PKHD1: variants seen among roughly 807,000 people sequenced by gnomAD.
PKHD1 encodes the protein PKHD1 ciliary IPT domain containing fibrocystin/polyductin.
A neutral mutation model predicts 412.0 loss-of-function variants in PKHD1; 291 were observed. That is an observed-to-expected ratio of 0.71 (90% CI 0.64 to 0.78). The LOEUF (loss-of-function observed/expected upper bound fraction) is 0.78. PKHD1 is among the 30% of genes least tolerant of loss of function. The pLI is 0.00. For synonymous variants in PKHD1, 1,777 were observed against 1,821.5 expected (o/e 0.98, Z 0.62); for missense variants, 4,825 against 4,950.7 (o/e 0.97, Z 0.76).
intron 5 of PKHD1, among the ~76,000 whole-genome samples, chr6:52,077,514 C>T (rs759114225): frequency 3.3e-5 from 5 of 152,312 alleles, no homozygotes; most frequent in Middle Eastern, 3.4e-3. Context: ...TTTGTTTGGT[C>T]TGCTTCCAGC....
chr6:51,631,192 G>A (rs567142098), intron 65 of PKHD1, among the ~76,000 whole-genome samples: 20 of 152,194 alleles, frequency 1.3e-4, no homozygotes, highest in African/African-American at 4.8e-4. Flanking sequence ...GATTACATGA[G>A]ATAAAAATTT....
intron 36 of PKHD1, among the ~76,000 whole-genome samples, chr6:51,956,545 AT>A (rs1791175202): frequency 6.6e-6 from 1 of 152,114 alleles, no homozygotes; most frequent in African/African-American, 2.4e-5. Flanking sequence ...AATTGATGAA[AT>A]CCTTTGTCTT....
At chr6:51,672,884 T>C (rs2150513349) in intron 60 of PKHD1, among the ~76,000 whole-genome samples, 1 of 152,340 alleles carries the variant, frequency 6.6e-6, no homozygotes, top group African/African-American at 2.4e-5. Context: ...AAGTTCATGA[T>C]TTTGAAGTTC....
chr6:51,976,765 T>C (rs1794495085), intron 35 of PKHD1, among the ~76,000 whole-genome samples: 1 of 152,106 alleles, frequency 6.6e-6, no homozygotes, highest in Non-Finnish European at 1.5e-5. Context: ...CTGGACAACA[T>C]GGTGAAACCC....
At chr6:51,639,212 C>G (rs1365909693) in intron 63 of PKHD1, among the ~76,000 whole-genome samples, 2 of 152,136 alleles carry the variant, frequency 1.3e-5, no homozygotes, top group South Asian at 2.1e-4. Context: ...ACAAACTACA[C>G]AACAACCCTA....
chr6:51,925,595 C>T (rs1037070507), intron 37 of PKHD1, among the ~76,000 whole-genome samples: 1 of 152,082 alleles, frequency 6.6e-6, no homozygotes, highest in African/African-American at 2.4e-5. Flanking sequence ...AACAAAAAGG[C>T]TGAGTATGAA....
chr6:51,981,396 G>A (rs1359720217), intron 35 of PKHD1, among the ~76,000 whole-genome samples: 4 of 112,814 alleles, frequency 3.5e-5, no homozygotes, highest in Non-Finnish European at 3.5e-5. Context: ...CTGATGCCGA[G>A]CCAAGGCTGG....
rs576261631 is a variant in PKHD1 at position 51,737,773 on chromosome 6, T to C, written c.10156+6612A>G. On this transcript the variant is annotated intron_variant, in intron 60 of 66. Coordinates refer to ENST00000371117, the MANE Select transcript of PKHD1 (RefSeq NM_138694.4). ...GTGTTTAACTCAAAGGTCTGGACTTTACACACATCTATTGATTCAAAATCT... is the reference window on the plus strand; with the variant it reads ...GTGTTTAACTCAAAGGTCTGGACTTCACACACATCTATTGATTCAAAATCT... Among the ~76,000 whole-genome samples, 7 of 152,174 alleles carry C rather than the reference T, an allele frequency of 4.6e-5. No homozygotes were observed. The East Asian group carries it at 9.7e-4, about 21-fold the overall frequency.
chr6:52,026,321 C>A (rs1011855698), intron 31 of PKHD1, 140 bp from the exon 32 acceptor site: 3 of 780,648 alleles, frequency 3.8e-6, no homozygotes, highest in Non-Finnish European at 6.6e-6. Flanking sequence ...TTCTCACCCC[C>A]ACCAAAGCTA....
At chr6:51,994,102 C>A (rs929140615) in intron 35 of PKHD1, among the ~76,000 whole-genome samples, 1 of 152,116 alleles carries the variant, frequency 6.6e-6, no homozygotes, top group African/African-American at 2.4e-5. Flanking sequence ...GCAGCATTCA[C>A]CAAACTTACT....
intron 60 of PKHD1, among the ~76,000 whole-genome samples, chr6:51,673,584 A>T (rs1181819831): frequency 6.6e-6 from 1 of 152,204 alleles, no homozygotes; most frequent in Non-Finnish European, 1.5e-5. Context: ...ATCACGAAAG[A>T]GTTAGGATGA....
chr6:51,633,075 G>T (rs1361375427), intron 64 of PKHD1, among the ~76,000 whole-genome samples: 1 of 152,080 alleles, frequency 6.6e-6, no homozygotes, highest in African/African-American at 2.4e-5. Context: ...CTCAGCTCCA[G>T]AATGTGTGAA....
At position 52,082,493 on chromosome 6, in the gene PKHD1, T is replaced by C. The variant is rs1314707203; in HGVS notation, c.180A>G (p.Ile60Met). The C allele has an allele frequency of 6.2e-7, 1 of 1,614,024 alleles. No individual in the cohort carries two copies. The highest frequency in any genetic ancestry group is 1.1e-5 in the South Asian group (1 of 91,076). The change falls in exon 4 of 67, where the codon ATA (isoleucine) becomes ATG (methionine). Residue 60 changes from isoleucine (I) to methionine (M), a missense_variant. By Grantham distance (10) the Ile-to-Met change is conservative. Coordinates refer to ENST00000371117, the MANE Select transcript of PKHD1 (RefSeq NM_138694.4). ...CCACCATGTTCACGTTCACCAGGTG[T>C]ATCTCCAATTGAGAGCCATTGTTGG... is the stretch of plus-strand genomic sequence containing the variant. ...LYPNNGSQLE[I>M]HLVNVNMVVP...
At chr6:51,908,749 C>T (rs1782515405) in intron 40 of PKHD1, among the ~76,000 whole-genome samples, 1 of 152,110 alleles carries the variant, frequency 6.6e-6, no homozygotes, top group Non-Finnish European at 1.5e-5. Context: ...CATGTAACTG[C>T]TCCTCATTTC....
Position 51,649,124 on chromosome 6 carries a change from C to G in PKHD1, c.11271G>C (p.Glu3757Asp). 6.2e-7 allele frequency: 1 copy of G among 1,613,884 alleles called. No homozygotes were observed. ...VQPSDGEVGN[E>D]LPVQPQLVFL... ...ATACCAATTGTGGCTGCACTGGAAG[C>G]TCATTTCCCACTTCTCCATCTGAAG... Residue 3757 changes from glutamate to aspartate, a missense_variant, in exon 62 of 67, where the codon GAG becomes GAC. By Grantham distance (45) the Glu-to-Asp change is conservative (BLOSUM62 2). Transcript: ENST00000371117.
At chr6:52,036,588 G>A (rs1382578445) in intron 27 of PKHD1, among the ~76,000 whole-genome samples, 1 of 152,212 alleles carries the variant, frequency 6.6e-6, no homozygotes, top group African/African-American at 2.4e-5. Flanking sequence ...GCATGTTGGG[G>A]ACAGAAAGGG....
At chr6:51,705,709 T>C (rs970368975) in intron 60 of PKHD1, among the ~76,000 whole-genome samples, 4 of 152,088 alleles carry the variant, frequency 2.6e-5, no homozygotes, top group African/African-American at 7.2e-5. Flanking sequence ...AGCAATTTTC[T>C]ATTAAAGTGC....
At chr6:52,061,942 A>G (rs1014777663) in intron 14 of PKHD1, among the ~76,000 whole-genome samples, 5 of 152,156 alleles carry the variant, frequency 3.3e-5, no homozygotes, top group Non-Finnish European at 5.9e-5. Flanking sequence ...TACATCCTTG[A>G]AGGGACTAAA....
At chr6:51,887,311 ACT>A in intron 43 of PKHD1, 66 bp from the exon 44 acceptor site, 1 of 1,019,366 alleles carries the variant, frequency 9.8e-7, no homozygotes, top group Middle Eastern at 2.0e-4. Context: ...GGAAAGAAAG[ACT>A]CTTGTTTGTA....
Sources: gnomAD v4.1 joint callset for allele counts (sites outside exome capture counted in the v4.1 genomes callset) on GRCh38, gnomAD v4.1.1 for gene constraint, MANE v1.5 for transcripts, NCBI Gene and HGNC (gene_info 2026-07-23, HGNC 2026-07-21) for gene names.